RBFOX3: variants seen among roughly 807,000 people sequenced by gnomAD.
RBFOX3 encodes RNA binding fox-1 homolog 3, also known as RNA binding protein fox-1 homolog 3.
Under a neutral mutation model 48.7 loss-of-function variants are expected in RBFOX3, and 17 were observed. The observed-to-expected ratio is 0.35, with a 90% CI of 0.24 to 0.52. The LOEUF is 0.52. Ranked by LOEUF, RBFOX3 falls within the 20% of genes least tolerant of loss-of-function variation. RBFOX3 has a pLI of 0.94. For synonymous variants in RBFOX3, 212 were observed against 209.5 expected (o/e 1.01, Z -0.10); for missense variants, 382 against 497.5 (o/e 0.77, Z 2.21).
intron 1 of RBFOX3, among the ~76,000 whole-genome samples, chr17:79,575,571 G>T (rs1056356826): frequency 3.3e-5 from 5 of 152,190 alleles, no homozygotes; most frequent in African/African-American, 4.8e-5. Context: ...TAGAGAAACC[G>T]GTTGGAGGGA....
At chr17:79,316,795 G>C (rs774767046) in intron 2 of RBFOX3, among the ~76,000 whole-genome samples, 17 of 152,228 alleles carry the variant, frequency 1.1e-4, no homozygotes, top group Non-Finnish European at 1.8e-4. Context: ...TTTAGTATAA[G>C]TTCATACCAT....
At chr17:79,445,339 G>C (rs1168796828) in intron 2 of RBFOX3, among the ~76,000 whole-genome samples, 11 of 152,320 alleles carry the variant, frequency 7.2e-5, no homozygotes, top group African/African-American at 2.4e-4. Context: ...CAGGAGCCAA[G>C]GATGAAAAAT....
chr17:79,454,274 C>T (rs2074083011), intron 2 of RBFOX3, among the ~76,000 whole-genome samples: 1 of 152,160 alleles, frequency 6.6e-6, no homozygotes, highest in Admixed American at 6.5e-5. Context: ...TCCCTTGAGG[C>T]CTCTCCTCAG....
intron 13 of RBFOX3, among the ~76,000 whole-genome samples, chr17:79,094,776 T>TG (rs1441827252): frequency 1.5e-5 from 1 of 67,362 alleles, no homozygotes. Flanking sequence ...CCTGACGGGG[T>TG]GGGGGGAGGG....
chr17:79,176,074 G>A (rs1219979337), intron 4 of RBFOX3, among the ~76,000 whole-genome samples: 1 of 152,218 alleles, frequency 6.6e-6, no homozygotes, highest in Non-Finnish European at 1.5e-5. Flanking sequence ...TAAACTCAGG[G>A]CCTACTGTGG....
chr17:79,226,573 C>T (rs1241970122), intron 4 of RBFOX3, among the ~76,000 whole-genome samples: 1 of 152,168 alleles, frequency 6.6e-6, no homozygotes, highest in Non-Finnish European at 1.5e-5. Context: ...CCCTGTGGAG[C>T]AGGAGGAGCC....
At chr17:79,100,727 G>A (rs1327034271) in intron 9 of RBFOX3, among the ~76,000 whole-genome samples, 1 of 152,224 alleles carries the variant, frequency 6.6e-6, no homozygotes, top group Non-Finnish European at 1.5e-5. Context: ...AATGAGCGGA[G>A]GCCCCCAACG....
At chr17:79,234,806 C>T (rs937362281) in intron 4 of RBFOX3, 2 of 138,150 alleles carry the variant, frequency 1.4e-5, no homozygotes, top group African/African-American at 2.8e-5. Context: ...GATCTCAGCT[C>T]ATGCAACCTC....
At chr17:79,288,479 C>CA (rs2072495490) in intron 3 of RBFOX3, among the ~76,000 whole-genome samples, 2 of 150,724 alleles carry the variant, frequency 1.3e-5, no homozygotes, top group Admixed American at 1.3e-4. Flanking sequence ...TCTCTGCAGC[C>CA]CCCCCCAGCC....
chr17:79,168,564 C>T (rs1004762510), intron 4 of RBFOX3, among the ~76,000 whole-genome samples: 1 of 152,208 alleles, frequency 6.6e-6, no homozygotes, highest in African/African-American at 2.4e-5. Flanking sequence ...CTCACCCCCA[C>T]TGGTCCATGA....
At chr17:79,128,553 G>A (rs2037943925) in intron 4 of RBFOX3, among the ~76,000 whole-genome samples, 1 of 152,200 alleles carries the variant, frequency 6.6e-6, no homozygotes, top group Non-Finnish European at 1.5e-5. Context: ...CACCTCTACA[G>A]CTCACAGGCT....
In RBFOX3 at chr17:79,499,529, A is replaced by T. The variant is rs972320209; in HGVS notation, c.-319-16931T>A. On this transcript the variant is annotated intron_variant, in intron 1 of 14. Transcript: ENST00000693108. ...ATGAGAGGGGGTGAGAAGGCCCACA[A>T]CAGGGGCAGGGTTTGGAGGTCAGTA... Among the ~76,000 whole-genome samples, 243 of 152,314 alleles carry T rather than the reference A, an allele frequency of 1.6e-3. 1 individual carries two copies. The highest frequency in any genetic ancestry group is 5.6e-3 in the African/African-American group (234 of 41,568).
At chr17:79,623,921 G>A in the RBFOX3 span, among the ~76,000 whole-genome samples, 2 of 151,952 alleles carry the variant, frequency 1.3e-5, no homozygotes, top group South Asian at 2.1e-4. Context: ...TGCTGGCTCC[G>A]CAGGGTGAGG....
the RBFOX3 span, among the ~76,000 whole-genome samples, chr17:79,624,990 C>G: frequency 6.6e-6 from 1 of 152,028 alleles, no homozygotes; most frequent in Non-Finnish European, 1.5e-5. Flanking sequence ...GTTTAAAGGG[C>G]GTGATTGAGG....
chr17:79,294,375 ATCTCTGC>A (rs1175302811), intron 3 of RBFOX3, among the ~76,000 whole-genome samples: 19 of 152,028 alleles, frequency 1.2e-4, no homozygotes, highest in African/African-American at 4.6e-4. Flanking sequence ...CAGTGGTGTG[ATCTCTGC>A]TCACTGCAAC....
intron 1 of RBFOX3, among the ~76,000 whole-genome samples, chr17:79,503,913 C>G (rs2082708611): frequency 6.6e-6 from 1 of 152,214 alleles, no homozygotes; most frequent in Non-Finnish European, 1.5e-5. Context: ...CAAAACCCTT[C>G]CTCCCGACTT....
chr17:79,620,114 T>TGCACAC, the RBFOX3 span, among the ~76,000 whole-genome samples: 1 of 132,194 alleles, frequency 7.6e-6, no homozygotes, highest in African/African-American at 3.5e-5. Context: ...CATGCACGCA[T>TGCACAC]ATGCACACAT....
At chr17:79,117,192 G>A (rs946871825) in intron 4 of RBFOX3, among the ~76,000 whole-genome samples, 2 of 152,246 alleles carry the variant, frequency 1.3e-5, no homozygotes, top group Admixed American at 6.5e-5. Context: ...CTGCGGTGAG[G>A]AGGCCCCACT....
chr17:79,572,840 C>G (rs926180577), intron 1 of RBFOX3, among the ~76,000 whole-genome samples: 1 of 152,158 alleles, frequency 6.6e-6, no homozygotes, highest in Admixed American at 6.5e-5. Flanking sequence ...GCTGGCCACC[C>G]GTGCTGCCCT....
Sources: allele counts gnomAD v4.1 joint callset (sites outside exome capture counted in the v4.1 genomes callset), GRCh38; gene constraint gnomAD v4.1.1; transcripts MANE v1.5; gene names NCBI Gene and HGNC (gene_info 2026-07-23, HGNC 2026-07-21).